NFIB: variants seen among roughly 807,000 people sequenced by gnomAD.
NFIB encodes the protein nuclear factor I B.
Under a neutral mutation model 61.5 loss-of-function variants are expected in NFIB, and 11 were observed. The ratio of observed to expected loss-of-function variants is 0.18; its 90% CI spans 0.11 to 0.30. The LOEUF (loss-of-function observed/expected upper bound fraction) is 0.30, where lower values mean the gene tolerates loss of function less well. Among genes scored for constraint, NFIB ranks in the 10% least tolerant of loss-of-function variants. The pLI, the probability that NFIB is intolerant of heterozygous loss-of-function variation, is 1.00. For synonymous variants in NFIB, 260 were observed against 216.5 expected (o/e 1.20, Z -1.76); for missense variants, 471 against 608.9 (o/e 0.77, Z 2.38).
chr9:14,323,029 G>A (rs2060700354), intron 1 of NFIB, among the ~76,000 whole-genome samples: 1 of 152,240 alleles, frequency 6.6e-6, no homozygotes, highest in Non-Finnish European at 1.5e-5. Flanking sequence ...ATAAGGAATT[G>A]CTGTTACTTC....
At chr9:14,349,045 C>T (rs2061071479) in intron 1 of NFIB, among the ~76,000 whole-genome samples, 1 of 152,262 alleles carries the variant, frequency 6.6e-6, no homozygotes, top group African/African-American at 2.4e-5. Context: ...GGACTCGCTG[C>T]AACCCAGGGG....
the NFIB span, among the ~76,000 whole-genome samples, chr9:14,428,704 A>T: frequency 6.6e-6 from 1 of 152,334 alleles, no homozygotes; most frequent in South Asian, 2.1e-4. Context: ...TTGACATTCA[A>T]ATACAGTATA....
chr9:14,293,493 G>C (rs968298996), intron 2 of NFIB, among the ~76,000 whole-genome samples: 2 of 152,176 alleles, frequency 1.3e-5, no homozygotes, highest in African/African-American at 4.8e-5. Context: ...TGGTGAGGAG[G>C]AAATTACGCC....
At chr9:14,480,510 T>C in the NFIB span, among the ~76,000 whole-genome samples, 1 of 152,198 alleles carries the variant, frequency 6.6e-6, no homozygotes, top group East Asian at 1.9e-4. Flanking sequence ...GTCTAGTGTT[T>C]ATACACTCAT....
intron 2 of NFIB, among the ~76,000 whole-genome samples, chr9:14,256,116 C>G (rs1218401078): frequency 6.6e-6 from 1 of 152,128 alleles, no homozygotes; most frequent in African/African-American, 2.4e-5. Flanking sequence ...TTCTGTTTTA[C>G]CAAAAATATT....
chr9:14,153,908 T>A (rs537063480), intron 4 of NFIB, among the ~76,000 whole-genome samples: 6 of 152,236 alleles, frequency 3.9e-5, no homozygotes, highest in African/African-American at 1.4e-4. Flanking sequence ...AGACACCTAT[T>A]TACATATGGA....
At position 14,150,239 on chromosome 9, in the gene NFIB, T is replaced by C; in HGVS notation, c.712A>G (p.Asn238Asp). The C allele has an allele frequency of 1.2e-6, 2 of 1,613,454 alleles. No individual in the cohort carries two copies. Among genetic ancestry groups the C allele is most frequent in the Non-Finnish European group, 1.7e-6 (2 of 1,179,522 alleles). The change falls in exon 5 of 11, where the codon AAC (asparagine) becomes GAC (aspartate). Residue 238 changes from asparagine (N) to aspartate (D), a missense_variant. Asn to Asp is a conservative substitution (Grantham distance 23). Coordinates refer to ENST00000380953, the MANE Select transcript of NFIB (RefSeq NM_001190737.2). ...CTTGGGATTTCTCCAATTGGGAAGT[T>C]GACTCCAGTTCCCTGGGTTATGGGC... ...RTPITQGTGV[N>D]FPIGEIPSQP...
intron 10 of NFIB, among the ~76,000 whole-genome samples, chr9:14,089,364 TAA>T (rs577188593): frequency 5.1e-4 from 68 of 134,498 alleles, no homozygotes; most frequent in African/African-American, 4.8e-4. Context: ...TACAGGCTGT[TAA>T]AAAAAAAAAA....
the NFIB span, among the ~76,000 whole-genome samples, chr9:14,469,869 G>C: frequency 6.6e-6 from 1 of 152,156 alleles, no homozygotes; most frequent in Non-Finnish European, 1.5e-5. Flanking sequence ...TGATTACACT[G>C]TGTCTAGGTG....
chr9:14,315,758 G>A (rs2060518440), upstream of NFIB, among the ~76,000 whole-genome samples: 1 of 151,270 alleles, frequency 6.6e-6, no homozygotes, highest in South Asian at 2.1e-4. Context: ...TACACACACC[G>A]CCCCCCAAAT....
At chr9:14,096,986 T>C (rs1215082436) in intron 10 of NFIB, among the ~76,000 whole-genome samples, 5 of 152,164 alleles carry the variant, frequency 3.3e-5, no homozygotes, top group African/African-American at 1.2e-4. Flanking sequence ...TCTTTCTTTA[T>C]AAATGGAGAA....
the NFIB span, among the ~76,000 whole-genome samples, chr9:14,472,155 T>A: frequency 6.6e-6 from 1 of 152,372 alleles, no homozygotes; most frequent in African/African-American, 2.4e-5. Flanking sequence ...AGGTCTATGT[T>A]GTGTCCCTTG....
In NFIB at chr9:14,231,133, A is replaced by ATATATAT. The variant is rs1392498228; in HGVS notation, c.563-51354_563-51353insATATATA. On this transcript the variant is annotated intron_variant, in intron 2 of 10. Transcript: ENST00000380953. The stretch of plus-strand genomic sequence containing the variant: ...TTTTTCCATGGGGAAAAAAAAAAAA[A>ATATATAT]AAATATATATATATATATATATATA... Among the ~76,000 whole-genome samples the ATATATAT allele has an allele frequency of 2.2e-3, 146 of 67,118 alleles. 1 individual carries two copies. Among genetic ancestry groups the ATATATAT allele is most frequent in the African/African-American group, 4.7e-3 (78 of 16,656 alleles). The allele number at this position is 67,118 out of a possible 152,430, so 44.0% of individuals were successfully genotyped here. A position where few individuals can be genotyped will look rare whatever the true frequency, so the allele number is the denominator to read the frequency against.
chr9:14,281,147 T>C (rs886112257), intron 2 of NFIB, among the ~76,000 whole-genome samples: 4 of 152,152 alleles, frequency 2.6e-5, no homozygotes, highest in Admixed American at 1.3e-4. Context: ...CCAATGAACA[T>C]TCAAAAGATT....
intron 2 of NFIB, among the ~76,000 whole-genome samples, chr9:14,284,900 T>C (rs2058610765): frequency 6.6e-6 from 1 of 152,180 alleles, no homozygotes; most frequent in Non-Finnish European, 1.5e-5. Flanking sequence ...TAATCCTCTC[T>C]TTAAGGACAT....
At chr9:14,525,766 T>C in the NFIB span, among the ~76,000 whole-genome samples, 1 of 152,128 alleles carries the variant, frequency 6.6e-6, no homozygotes, top group Non-Finnish European at 1.5e-5. Flanking sequence ...CCCACAAAAA[T>C]GTTCATGTGA....
chr9:14,419,608 C>A, the NFIB span, among the ~76,000 whole-genome samples: 3 of 152,230 alleles, frequency 2.0e-5, no homozygotes, highest in East Asian at 5.8e-4. Flanking sequence ...TGTTACGTAG[C>A]TGGCCCAGCT....
At chr9:14,127,793 C>A (rs1222995191) in intron 6 of NFIB, among the ~76,000 whole-genome samples, 1 of 151,942 alleles carries the variant, frequency 6.6e-6, no homozygotes, top group Non-Finnish European at 1.5e-5. Context: ...GAATATGCTA[C>A]TGTAAAGGCA....
At chr9:14,266,400 G>A (rs2132283003) in intron 2 of NFIB, among the ~76,000 whole-genome samples, 1 of 152,054 alleles carries the variant, frequency 6.6e-6, no homozygotes, top group East Asian at 1.9e-4. Context: ...AGACCAGCCT[G>A]TGCAACATAG....
Sources: gnomAD v4.1 joint callset for allele counts (sites outside exome capture counted in the v4.1 genomes callset) on GRCh38, gnomAD v4.1.1 for gene constraint, MANE v1.5 for transcripts, NCBI Gene and HGNC (gene_info 2026-07-23, HGNC 2026-07-21) for gene names.